VSTM2B: variants seen among roughly 807,000 people sequenced by gnomAD.
VSTM2B encodes V-set and transmembrane domain-containing protein 2B.
A neutral mutation model predicts 24.0 loss-of-function variants in VSTM2B; 24 were observed. The observed-to-expected ratio is 1.00, with a 90% CI of 0.72 to 1.40. VSTM2B has a LOEUF of 1.40. VSTM2B is among the 40% of genes most tolerant of loss of function. The pLI is 0.00. For missense variants in VSTM2B, 399 were observed against 416.4 expected (o/e 0.96, Z 0.36); for synonymous variants, 226 against 194.4 (o/e 1.16, Z -1.35).
At chr19:29,539,211 G>A (rs117850686) in intron 4 of VSTM2B, among the ~76,000 whole-genome samples, 6 of 152,228 alleles carry the variant, frequency 3.9e-5, no homozygotes, top group East Asian at 1.9e-4. Flanking sequence ...GTTTGCCCAC[G>A]TGCCGAGTCC....
At chr19:29,528,594 G>T in intron 3 of VSTM2B, 132 bp downstream of exon 3, 1 of 1,137,174 alleles carries the variant, frequency 8.8e-7, no homozygotes. Flanking sequence ...TCGCAGCCTT[G>T]CATCGGTGGC....
intron 3 of VSTM2B, among the ~76,000 whole-genome samples, 167 bp from the exon 4 acceptor site, chr19:29,529,652 A>G (rs1240966273): frequency 6.6e-6 from 1 of 152,172 alleles, no homozygotes; most frequent in Non-Finnish European, 1.5e-5. Flanking sequence ...TGGAAGCCCT[A>G]TGCCACTGGG....
chr19:29,556,382 C>A lies in VSTM2B; in HGVS notation c.770-7464C>A, dbSNP rs192031093. Among the ~76,000 whole-genome samples the A allele has an allele frequency of 2.6e-5, 4 of 152,266 alleles. No homozygotes were observed. In the East Asian group the frequency reaches 7.7e-4, roughly 29 times the overall value. ...ATTAACTAGGTATTGATGGAACATA[C>A]CTCAAAATAATGAAAGCCGTTTATG... is the stretch of plus-strand genomic sequence containing the variant. On this transcript the variant is annotated intron_variant, in intron 4 of 4. Coordinates refer to ENST00000335523, the MANE Select transcript of VSTM2B (RefSeq NM_001146339.2).
chr19:29,529,552 C>T (rs555454427), intron 3 of VSTM2B, among the ~76,000 whole-genome samples: 1 of 152,076 alleles, frequency 6.6e-6, no homozygotes, highest in Non-Finnish European at 1.5e-5. Flanking sequence ...TTTGTATGGG[C>T]GGGGCAGATG....
chr19:29,537,997 C>G (rs1343689326), intron 4 of VSTM2B, among the ~76,000 whole-genome samples: 1 of 152,226 alleles, frequency 6.6e-6, no homozygotes, highest in Non-Finnish European at 1.5e-5. Context: ...CTCACCACCA[C>G]TTCCAACCAT....
chr19:29,532,933 T>A (rs1969794287), intron 4 of VSTM2B, among the ~76,000 whole-genome samples: 1 of 152,152 alleles, frequency 6.6e-6, no homozygotes, highest in Admixed American at 6.5e-5. Flanking sequence ...GAGACCAAGG[T>A]CATGAGCGCA....
intron 4 of VSTM2B, among the ~76,000 whole-genome samples, chr19:29,544,134 CATT>C (rs1970088549): frequency 6.6e-6 from 1 of 151,054 alleles, no homozygotes; most frequent in Non-Finnish European, 1.5e-5. Flanking sequence ...TATATATGCA[CATT>C]ATATTAAATA....
chr19:29,530,099 C>A lies in VSTM2B; in HGVS notation c.578C>A (p.Ser193Tyr), dbSNP rs1044278956. 1.4e-6 allele frequency: 2 copies of A among 1,452,006 alleles called. No homozygotes were observed. The highest frequency in any genetic ancestry group is 3.0e-5 in the African/African-American group (2 of 67,232). 89.9% of individuals were successfully genotyped at this position (1,452,006 alleles called of 1,614,324 possible). ...GCGGGCGCCGCGAGCCGTACCACCT[C>A]CGAGCCCGGCCGCGGCGACAAGAGC... ...NNAGAASRTT[S>Y]EPGRGDKSPP... Residue 193 changes from serine to tyrosine, a missense_variant, in exon 4 of 5, where the codon TCC (serine) becomes TAC (tyrosine). Transcript: ENST00000335523.
chr19:29,557,940 A>G (rs920991124), intron 4 of VSTM2B, among the ~76,000 whole-genome samples: 1 of 152,188 alleles, frequency 6.6e-6, no homozygotes, highest in Non-Finnish European at 1.5e-5. Flanking sequence ...AAAATTTTGC[A>G]ATCTATCCAT....
chr19:29,540,113 G>T (rs555994388), intron 4 of VSTM2B, among the ~76,000 whole-genome samples: 1 of 152,354 alleles, frequency 6.6e-6, no homozygotes, highest in East Asian at 1.9e-4. Context: ...GCTTGGCCCA[G>T]AGGAAAGATC....
intron 4 of VSTM2B, among the ~76,000 whole-genome samples, chr19:29,551,901 A>G (rs1297232518): frequency 6.6e-6 from 1 of 152,188 alleles, no homozygotes; most frequent in African/African-American, 2.4e-5. Flanking sequence ...CATGTAAAAA[A>G]AGAGGCTACA....
chr19:29,553,993 A>G (rs1010233935), intron 4 of VSTM2B, among the ~76,000 whole-genome samples: 6 of 152,214 alleles, frequency 3.9e-5, no homozygotes, highest in African/African-American at 1.4e-4. Context: ...AAGTTGGAAA[A>G]CACACTTCAC....
At chr19:29,561,685 G>A (rs911261026) in intron 4 of VSTM2B, among the ~76,000 whole-genome samples, 1 of 152,174 alleles carries the variant, frequency 6.6e-6, no homozygotes, top group Non-Finnish European at 1.5e-5. Context: ...GACCAGTCTG[G>A]CTGTGGGTGA....
At chr19:29,537,051 T>C (rs1171694492) in intron 4 of VSTM2B, among the ~76,000 whole-genome samples, 1 of 152,120 alleles carries the variant, frequency 6.6e-6, no homozygotes, top group Non-Finnish European at 1.5e-5. Context: ...TAGCTGACTA[T>C]CACCAGGCAT....
chr19:29,562,923 G>A (rs1970567755), intron 4 of VSTM2B, among the ~76,000 whole-genome samples: 1 of 152,152 alleles, frequency 6.6e-6, no homozygotes, highest in Non-Finnish European at 1.5e-5. Flanking sequence ...TGACCCAGAA[G>A]TTGCTGGGGT....
chr19:29,530,140 C>A lies in VSTM2B; in HGVS notation c.619C>A (p.Pro207Thr). Residue 207 changes from proline to threonine, a missense_variant, in exon 4 of 5, where the codon CCT becomes ACT. Coordinates refer to ENST00000335523, the MANE Select transcript of VSTM2B (RefSeq NM_001146339.2). The part of the protein sequence containing the change: ...RGDKSPPPGS[P>T]PAAIDPAVPE... ...CGACAAGAGCCCGCCGCCCGGGAGC[C>A]CTCCCGCCGCCATCGATCCCGCAGT... 1 of 1,463,148 alleles carries A rather than the reference C, an allele frequency of 6.8e-7. No homozygotes were observed. The highest frequency in any genetic ancestry group is 9.0e-7 in the Non-Finnish European group (1 of 1,114,302). 90.6% of individuals were successfully genotyped at this position (1,463,148 alleles called of 1,614,324 possible).
intron 4 of VSTM2B, among the ~76,000 whole-genome samples, chr19:29,538,857 C>T (rs901360918): frequency 6.6e-6 from 1 of 152,146 alleles, no homozygotes; most frequent in African/African-American, 2.4e-5. Flanking sequence ...GTGGGGGATC[C>T]ACTCCCATGA....
chr19:29,546,753 G>A (rs986000423), intron 4 of VSTM2B, among the ~76,000 whole-genome samples: 1 of 152,082 alleles, frequency 6.6e-6, no homozygotes, highest in Non-Finnish European at 1.5e-5. Context: ...CAGAGTAAAG[G>A]CCTGTTTGCC....
chr19:29,544,849 G>A (rs1298170183), intron 4 of VSTM2B, among the ~76,000 whole-genome samples: 3 of 152,146 alleles, frequency 2.0e-5, no homozygotes, highest in Non-Finnish European at 4.4e-5. Context: ...GACCAGCTGG[G>A]ATGTCTAAGA....
Sources: allele counts gnomAD v4.1 joint callset (sites outside exome capture counted in the v4.1 genomes callset), GRCh38; gene constraint gnomAD v4.1.1; transcripts MANE v1.5; gene names NCBI Gene and HGNC (gene_info 2026-07-23, HGNC 2026-07-21).